NCOR1: variants seen among roughly 807,000 people sequenced by gnomAD.
The protein encoded by NCOR1 is protein phosphatase 1, regulatory subunit 109.
Under a neutral mutation model 288.1 loss-of-function variants are expected in NCOR1, and 63 were observed. That is an observed-to-expected ratio of 0.22 (90% CI 0.18 to 0.27). The LOEUF (loss-of-function observed/expected upper bound fraction) is 0.27, where lower values mean the gene tolerates loss of function less well. Ranked by LOEUF, NCOR1 falls within the 10% of genes least tolerant of loss-of-function variation. The pLI, the probability that NCOR1 is intolerant of heterozygous loss-of-function variation, is 1.00. For missense variants in NCOR1, 2,397 were observed against 3,019.2 expected (o/e 0.79, Z 4.83); for synonymous variants, 1,007 against 1,065.9 (o/e 0.94, Z 1.08).
rs1568349953 is a variant in NCOR1, at chr17:16,152,002, T to C, written c.790-4A>G. 1.3e-6 allele frequency: 2 copies of C among 1,572,788 alleles called. No homozygotes were observed. The highest frequency in any genetic ancestry group is 1.9e-5 in the Admixed American group (1 of 52,892). On this transcript the variant is annotated splice_polypyrimidine_tract_variant and splice_region_variant and intron_variant, in intron 7 of 45. Transcript: ENST00000268712. The stretch of plus-strand genomic sequence containing the variant: ...CTGATGGCTGGTTATACAGTGGCTA[T>C]AAAAGAAATCAAATATTTATGTATA...
chr17:16,045,265 T>C (rs2058469358), intron 42 of NCOR1, among the ~76,000 whole-genome samples: 1 of 152,204 alleles, frequency 6.6e-6, no homozygotes, highest in South Asian at 2.1e-4. Flanking sequence ...ATTAGCAACA[T>C]GGACTCTGGA....
intron 1 of NCOR1, 92 bp downstream of exon 1, chr17:16,215,270 C>T (rs2092456454): frequency 5.2e-6 from 2 of 388,324 alleles, no homozygotes; most frequent in Non-Finnish European, 9.1e-6. Context: ...GCGGAGAAAC[C>T]GTCCCAGCGG....
At chr17:16,173,187 C>T (rs149930197) in intron 3 of NCOR1, among the ~76,000 whole-genome samples, 4,297 of 152,198 alleles carry the variant, frequency 0.028, 139 homozygotes, top group African/African-American at 0.074. Context: ...TCCCAAAGTG[C>T]TGAGATTACA....
chr17:16,080,503 A>G lies in NCOR1; in HGVS notation c.3305T>C (p.Leu1102Ser). ...AAATTCTTCCTGCTTGATGTAGGGCAAAGTAGCTGTGGAAAGGCAGAGAAA... is the reference window on the plus strand; with the variant it reads ...AAATTCTTCCTGCTTGATGTAGGGCGAAGTAGCTGTGGAAAGGCAGAGAAA... The part of the protein sequence containing the change: ...RQQESAKSAT[L>S]PYIKQEEFSP... The change falls in exon 25 of 46, where the codon TTG becomes TCG. Residue 1102 changes from leucine (L) to serine (S), a missense_variant. Coordinates refer to ENST00000268712, the MANE Select transcript of NCOR1 (RefSeq NM_006311.4). 1 of 1,614,140 alleles carries G rather than the reference A, an allele frequency of 6.2e-7. No individual in the cohort carries two copies. The highest frequency in any genetic ancestry group is 8.5e-7 in the Non-Finnish European group (1 of 1,180,006).
intron 11 of NCOR1, among the ~76,000 whole-genome samples, chr17:16,140,404 T>C (rs897553758): frequency 3.3e-5 from 5 of 152,152 alleles, no homozygotes; most frequent in African/African-American, 1.2e-4. Context: ...TGGCTCACGC[T>C]TGTAATCCCA....
At chr17:16,097,078 T>G (rs2066764298) in intron 21 of NCOR1, among the ~76,000 whole-genome samples, 1 of 152,204 alleles carries the variant, frequency 6.6e-6, no homozygotes, top group African/African-American at 2.4e-5. Flanking sequence ...ACAATAAAAA[T>G]TAAATATTTG....
chr17:16,039,615 G>C lies in NCOR1; in HGVS notation c.6773C>G (p.Ala2258Gly), dbSNP rs149921069. The C allele has an allele frequency of 2.6e-5, 42 of 1,613,904 alleles. No homozygotes were observed. The highest frequency in any genetic ancestry group is 3.3e-5 in the South Asian group (3 of 91,072). The change falls in exon 44 of 46, where the codon GCC becomes GGC. Residue 2258 changes from alanine to glycine, a missense_variant. By Grantham distance (60) the Ala-to-Gly change is moderately conservative. Around this residue, in one of 11 missense-constraint regions of NCOR1, gnomAD observed 1,872 missense variants for 2,187.8 expected, o/e 0.86. Coordinates refer to ENST00000268712, the MANE Select transcript of NCOR1 (RefSeq NM_006311.4). Reference protein sequence around the residue: ...SSRGHSFADPASNLGLEDIIR... With the variant: ...SSRGHSFADPGSNLGLEDIIR... ...AATGTCTTCCAGCCCAAGATTACTG[G>C]CAGGATCAGCAAAAGAATGGCCTCT...
intron 18 of NCOR1, among the ~76,000 whole-genome samples, chr17:16,116,204 G>A (rs1308509810): frequency 1.3e-5 from 2 of 152,156 alleles, no homozygotes; most frequent in Non-Finnish European, 2.9e-5. Context: ...CTCCCACTGA[G>A]TCCCTCCCAT....
rs780562500 is a variant in NCOR1 at position 16,080,064 on chromosome 17, C to G, written c.3401G>C (p.Gly1134Ala). The G allele has an allele frequency of 6.2e-7, 1 of 1,613,244 alleles. No homozygotes were observed. Among genetic ancestry groups the G allele is most frequent in the South Asian group, 1.1e-5 (1 of 91,056 alleles). Residue 1134 changes from glycine to alanine, a missense_variant and splice_region_variant, in exon 26 of 46, where the codon GGT (glycine) becomes GCT (alanine). Gly to Ala is a moderately conservative substitution (Grantham distance 60, BLOSUM62 0). This residue lies in a region of NCOR1 where 1,872 missense variants were observed against 2,187.8 expected (regional missense o/e 0.86). Coordinates refer to ENST00000268712, the MANE Select transcript of NCOR1 (RefSeq NM_006311.4). The stretch of plus-strand genomic sequence containing the variant: ...TCCTTCTTGTATGGCTCCTGCGGTA[C>G]CTGAATACAAACAAAGCTATTAGCA... ...VRAQHEGVVR[G>A]TAGAIQEGSI... is the part of the protein sequence containing the mutation.
chr17:16,157,416 TGATAC>T (rs2153413101), intron 6 of NCOR1, among the ~76,000 whole-genome samples: 1 of 152,362 alleles, frequency 6.6e-6, no homozygotes, highest in African/African-American at 2.4e-5. Context: ...GTTATCTACT[TGATAC>T]ATGTATATCT....
chr17:16,192,811 C>T (rs1460341163), intron 2 of NCOR1, among the ~76,000 whole-genome samples: 1 of 151,960 alleles, frequency 6.6e-6, no homozygotes, highest in Non-Finnish European at 1.5e-5. Context: ...TAATCAAAAA[C>T]TGGAATAGGT....
chr17:16,074,315 TGAAG>T lies in NCOR1; in HGVS notation c.3671-750_3671-747del, dbSNP rs370264745. 3.2e-3 allele frequency among the ~76,000 whole-genome samples: 481 copies of T among 152,218 alleles called. 2 individuals carry two copies. The highest frequency in any genetic ancestry group is 0.011 in the African/African-American group (457 of 41,542). ...TACACACTTTGAATATGGGTGAGAC[TGAAG>T]GTAGGGAGATGAGTTAGGTGGCTGC... On this transcript the variant is annotated intron_variant, in intron 27 of 45. Transcript: ENST00000268712.
chr17:16,083,289 T>C (rs1466779600), intron 23 of NCOR1, among the ~76,000 whole-genome samples: 1 of 151,090 alleles, frequency 6.6e-6, no homozygotes, highest in East Asian at 1.9e-4. Flanking sequence ...GTGGGAGGAC[T>C]GCTTGAGCCC....
chr17:16,111,288 T>C (rs1353039547), intron 18 of NCOR1, among the ~76,000 whole-genome samples: 4 of 152,174 alleles, frequency 2.6e-5, no homozygotes, highest in Non-Finnish European at 5.9e-5. Flanking sequence ...AAGTCAAATA[T>C]ATAGAAACAC....
chr17:16,036,185 TC>T (rs764823434), intron 44 of NCOR1, among the ~76,000 whole-genome samples: 37 of 152,334 alleles, frequency 2.4e-4, no homozygotes, highest in Middle Eastern at 3.4e-3. Flanking sequence ...AAAACAACAT[TC>T]ATCTCCTTGA....
At chr17:16,147,496 AGAG>A (rs2078174014) in intron 9 of NCOR1, among the ~76,000 whole-genome samples, 1 of 152,274 alleles carries the variant, frequency 6.6e-6, no homozygotes, top group Non-Finnish European at 1.5e-5. Context: ...TTTTCTAAAT[AGAG>A]AAGAAAAGAC....
chr17:16,130,860 T>G (rs2075498661), intron 14 of NCOR1, among the ~76,000 whole-genome samples: 1 of 151,346 alleles, frequency 6.6e-6, no homozygotes, highest in Non-Finnish European at 1.5e-5. Flanking sequence ...ATTTTTTTTT[T>G]GTATTTTTTG....
intron 15 of NCOR1, among the ~76,000 whole-genome samples, chr17:16,125,501 G>A (rs545550829): frequency 1.3e-5 from 2 of 152,156 alleles, no homozygotes; most frequent in African/African-American, 4.8e-5. Flanking sequence ...TCAGGAGATG[G>A]AGACCATCCT....
At position 16,111,308 on chromosome 17, in the gene NCOR1, G is replaced by A. The variant is rs575439583; in HGVS notation, c.2056-2396C>T. Among the ~76,000 whole-genome samples the A allele has an allele frequency of 1.1e-4, 17 of 152,232 alleles. No individual in the cohort carries two copies. The South Asian group carries it at 2.9e-3, about 26-fold the overall frequency. The stretch of plus-strand genomic sequence containing the variant: ...AAATATATAGAAACACAGGCCAGGC[G>A]CAGTGGCTCATGGCCAGACCCAGTG... On this transcript the variant is annotated intron_variant, in intron 18 of 45. Transcript: ENST00000268712.
Sources: allele counts gnomAD v4.1 joint callset (sites outside exome capture counted in the v4.1 genomes callset), GRCh38; gene constraint gnomAD v4.1.1; regional missense constraint gnomAD v4.1.1; transcripts MANE v1.5; gene names NCBI Gene and HGNC (gene_info 2026-07-23, HGNC 2026-07-21).